The following POU2F1 variants were observed in gnomAD, a reference collection of about 807,000 sequenced individuals.
POU2F1 encodes the protein POU domain, class 2, transcription factor 1.
In POU2F1, 16 loss-of-function variants were observed where a neutral mutation model predicts 84.9. That is an observed-to-expected ratio of 0.19 (90% CI 0.13 to 0.29). POU2F1 has a LOEUF of 0.29. POU2F1 is among the 10% of genes least tolerant of loss of function. The pLI, the probability that POU2F1 is intolerant of heterozygous loss-of-function variation, is 1.00. For synonymous variants in POU2F1, 368 were observed against 368.3 expected (o/e 1.00, Z 0.01); for missense variants, 738 against 942.6 (o/e 0.78, Z 2.84).
chr1:167,420,636 G>C lies in POU2F1; in HGVS notation c.*4826G>C, dbSNP rs1650591501. 6.6e-6 allele frequency: 1 copy of C among 152,284 alleles called. No individual in the cohort carries two copies. The highest frequency in any genetic ancestry group is 1.5e-5 in the Non-Finnish European group (1 of 68,072). 9.4% of individuals were successfully genotyped at this position (152,284 alleles called of 1,614,324 possible). On this transcript the variant is annotated 3_prime_UTR_variant, in exon 16 of 16. Coordinates refer to ENST00000367866, the MANE Select transcript of POU2F1 (RefSeq NM_002697.4). The stretch of plus-strand genomic sequence containing the variant: ...ATAAGGTCATTGAGATAGGAAGACA[G>C]AGGAAAAGCCTCTTGCTGTTGTTTC...
At chr1:167,351,518 T>TC (rs1265219676) in intron 2 of POU2F1, among the ~76,000 whole-genome samples, 3 of 15,608 alleles carry the variant, frequency 1.9e-4, no homozygotes, top group African/African-American at 7.5e-4. Flanking sequence ...AAGCACCATC[T>TC]CAAAAAAAAA....
At chr1:167,410,391 CAGA>C (rs949249716) in intron 13 of POU2F1, among the ~76,000 whole-genome samples, 2 of 152,058 alleles carry the variant, frequency 1.3e-5, no homozygotes, top group Non-Finnish European at 2.9e-5. Context: ...TAGTACAGAC[CAGA>C]AGAAGGTTTT....
chr1:167,318,859 A>G (rs766222648), intron 1 of POU2F1, among the ~76,000 whole-genome samples: 4 of 152,194 alleles, frequency 2.6e-5, no homozygotes, highest in Non-Finnish European at 4.4e-5. Context: ...GTTACAGGCC[A>G]TAGAAGTGGT....
intron 2 of POU2F1, among the ~76,000 whole-genome samples, chr1:167,356,129 C>T (rs150676520): frequency 1.3e-5 from 2 of 150,814 alleles, no homozygotes; most frequent in East Asian, 1.9e-4. Flanking sequence ...GGACTATAGG[C>T]ACGTCCCACC....
intron 13 of POU2F1, among the ~76,000 whole-genome samples, chr1:167,407,014 T>A (rs1649625763): frequency 6.9e-6 from 1 of 145,748 alleles, no homozygotes. Flanking sequence ...ATATATATTT[T>A]TTTATTTTAT....
At position 167,415,929 on chromosome 1, in the gene POU2F1, G is replaced by T; in HGVS notation, c.*119G>T. 4 of 800,832 alleles carry T rather than the reference G, an allele frequency of 5.0e-6. No homozygotes were observed. Among genetic ancestry groups the T allele is most frequent in the Non-Finnish European group, 7.4e-6 (4 of 537,086 alleles). 49.6% of individuals were successfully genotyped at this position (800,832 alleles called of 1,614,324 possible). A position where few individuals can be genotyped will look rare whatever the true frequency, so the allele number is the denominator to read the frequency against. On this transcript the variant is annotated 3_prime_UTR_variant, in exon 16 of 16. Transcript: ENST00000367866. ...CCTCTCGCCGTGTTGTGAGGGCAAA[G>T]GAGAGAAGGGAGAAAAAAAAAAAAA...
chr1:167,412,602 T>A (rs1007928213), intron 14 of POU2F1, among the ~76,000 whole-genome samples: 1 of 152,166 alleles, frequency 6.6e-6, no homozygotes, highest in Non-Finnish European at 1.5e-5. Flanking sequence ...TTCTTGACTC[T>A]TATTTTCCCC....
chr1:167,224,799 TCTAGG>T (rs1399749521), intron 1 of POU2F1, among the ~76,000 whole-genome samples: 2 of 151,736 alleles, frequency 1.3e-5, no homozygotes, highest in Non-Finnish European at 2.9e-5. Flanking sequence ...CCTGCGTATT[TCTAGG>T]AAATCCATTG....
intron 2 of POU2F1, among the ~76,000 whole-genome samples, chr1:167,343,787 A>C (rs2101763598): frequency 6.6e-6 from 1 of 150,806 alleles, no homozygotes; most frequent in South Asian, 2.1e-4. Flanking sequence ...ACTGTTGGGG[A>C]GTAGACTTGA....
intron 8 of POU2F1, among the ~76,000 whole-genome samples, chr1:167,385,561 G>GA (rs924359444): frequency 4.7e-5 from 7 of 148,934 alleles, no homozygotes; most frequent in African/African-American, 1.7e-4. Context: ...ATTTCAATGG[G>GA]AAAAAAAAAG....
intron 2 of POU2F1, among the ~76,000 whole-genome samples, chr1:167,343,632 A>ATTTTTTT (rs869170039): frequency 7.2e-5 from 5 of 69,398 alleles, no homozygotes; most frequent in Admixed American, 2.1e-4. Flanking sequence ...CCAGGGGTCA[A>ATTTTTTT]TTTTTTTTTT....
chr1:167,237,767 T>A (rs879474086), intron 1 of POU2F1, among the ~76,000 whole-genome samples: 3,186 of 17,974 alleles, frequency 0.18, 212 homozygotes, highest in Middle Eastern at 0.27. Flanking sequence ...TATATATATA[T>A]ATATATTTTT....
At chr1:167,280,373 T>TC (rs1653048770) in intron 1 of POU2F1, among the ~76,000 whole-genome samples, 1 of 151,822 alleles carries the variant, frequency 6.6e-6, no homozygotes, top group African/African-American at 2.4e-5. Flanking sequence ...TTTTTTTTTT[T>TC]CAGACTTTTA....
chr1:167,408,149 C>T (rs1196945397), intron 13 of POU2F1, among the ~76,000 whole-genome samples: 2 of 152,084 alleles, frequency 1.3e-5, no homozygotes, highest in African/African-American at 4.8e-5. Flanking sequence ...TAGCATTACT[C>T]ATTAGGGAAG....
intron 2 of POU2F1, among the ~76,000 whole-genome samples, chr1:167,348,922 T>G (rs1658379250): frequency 6.6e-6 from 1 of 152,130 alleles, no homozygotes; most frequent in Non-Finnish European, 1.5e-5. Context: ...TACCTTCCAC[T>G]TTTTTTAGAT....
Position 167,417,889 on chromosome 1 carries a change from TTC to T in POU2F1, c.*2081_*2082del, listed in dbSNP as rs777622602. The T allele has an allele frequency of 3.9e-5, 6 of 152,204 alleles. No individual in the cohort carries two copies. The highest frequency in any genetic ancestry group is 6.5e-5 in the Admixed American group (1 of 15,278). The allele number at this position is 152,204 out of a possible 1,614,324, so 9.4% of individuals were successfully genotyped here. A position where few individuals can be genotyped will look rare whatever the true frequency, so the allele number is the denominator to read the frequency against. On this transcript the variant is annotated 3_prime_UTR_variant, in exon 16 of 16. Coordinates refer to ENST00000367866, the MANE Select transcript of POU2F1 (RefSeq NM_002697.4). ...AACATTTTAGTCCCCTTTAAAATAT[TTC>T]TTTTAGTTTATTTCTATCGTGTTTT...
intron 1 of POU2F1, among the ~76,000 whole-genome samples, chr1:167,300,705 C>T (rs936038216): frequency 5.3e-5 from 8 of 152,180 alleles, no homozygotes; most frequent in South Asian, 2.1e-4. Context: ...CCTCGTGATC[C>T]GCCCACCTCG....
chr1:167,382,213 G>A (rs1378500857), intron 7 of POU2F1, among the ~76,000 whole-genome samples: 3 of 152,192 alleles, frequency 2.0e-5, no homozygotes, highest in Non-Finnish European at 4.4e-5. Flanking sequence ...TAGTCAGGTA[G>A]CGGATCATAG....
At chr1:167,276,969 T>C (rs1426722456) in intron 1 of POU2F1, among the ~76,000 whole-genome samples, 1 of 152,164 alleles carries the variant, frequency 6.6e-6, no homozygotes, top group African/African-American at 2.4e-5. Context: ...GTGCTCTTGT[T>C]GCATTCTACT....
Sources: allele counts gnomAD v4.1 joint callset (sites outside exome capture counted in the v4.1 genomes callset), GRCh38; gene constraint gnomAD v4.1.1; transcripts MANE v1.5; gene names NCBI Gene and HGNC (gene_info 2026-07-23, HGNC 2026-07-21).